The following CADM2 variants were observed in gnomAD, a reference collection of about 807,000 sequenced individuals.
CADM2 encodes the protein immunoglobulin superfamily member 4D.
Under a neutral mutation model 49.8 loss-of-function variants are expected in CADM2, and 12 were observed. The observed-to-expected ratio is 0.24, with a 90% CI of 0.15 to 0.39. CADM2 has a LOEUF of 0.39. Among genes scored for constraint, CADM2 ranks in the 10% least tolerant of loss-of-function variants. The pLI is 1.00. For missense variants in CADM2, 378 were observed against 492.3 expected (o/e 0.77, Z 2.20); for synonymous variants, 214 against 175.4 (o/e 1.22, Z -1.74).
intron 1 of CADM2, among the ~76,000 whole-genome samples, chr3:85,643,818 C>T (rs2064805072): frequency 6.6e-6 from 1 of 152,080 alleles, no homozygotes; most frequent in Non-Finnish European, 1.5e-5. Context: ...TATGTGGAGT[C>T]ATTGTTTAAT....
chr3:85,478,797 G>A (rs937171965), intron 1 of CADM2, among the ~76,000 whole-genome samples: 1 of 151,816 alleles, frequency 6.6e-6, no homozygotes, highest in African/African-American at 2.4e-5. Flanking sequence ...ATTGCTAAAG[G>A]GAAATCAGCA....
At chr3:85,285,634 C>A (rs1419033094) in intron 1 of CADM2, among the ~76,000 whole-genome samples, 1 of 151,940 alleles carries the variant, frequency 6.6e-6, no homozygotes, top group African/African-American at 2.4e-5. Flanking sequence ...TGAATAAAGT[C>A]TTTTTCTCCT....
At chr3:85,331,220 T>C (rs754286868) in intron 1 of CADM2, among the ~76,000 whole-genome samples, 5 of 152,090 alleles carry the variant, frequency 3.3e-5, no homozygotes, top group Non-Finnish European at 5.9e-5. Flanking sequence ...CACTAGATCT[T>C]ATTCTTTCTG....
intron 1 of CADM2, among the ~76,000 whole-genome samples, chr3:85,588,025 C>T (rs2062992377): frequency 6.6e-6 from 1 of 152,000 alleles, no homozygotes; most frequent in Non-Finnish European, 1.5e-5. Flanking sequence ...TTCAAGCTTT[C>T]CAAAATGCTG....
chr3:85,632,619 AG>A, intron 1 of CADM2, among the ~76,000 whole-genome samples: 1 of 152,086 alleles, frequency 6.6e-6, no homozygotes, highest in Non-Finnish European at 1.5e-5. Flanking sequence ...AGCTAAATTT[AG>A]AGGATGCTCA....
At chr3:85,777,461 G>T (rs550366535) in intron 2 of CADM2, among the ~76,000 whole-genome samples, 10 of 151,980 alleles carry the variant, frequency 6.6e-5, no homozygotes, top group Non-Finnish European at 1.0e-4. Context: ...CTACTCATTT[G>T]CCAGGCTGGT....
At chr3:85,284,871 T>A (rs544410398) in intron 1 of CADM2, among the ~76,000 whole-genome samples, 1 of 151,906 alleles carries the variant, frequency 6.6e-6, no homozygotes, top group Non-Finnish European at 1.5e-5. Context: ...GTAAAAAAGA[T>A]CTGGCAAGTT....
intron 6 of CADM2, among the ~76,000 whole-genome samples, chr3:85,924,503 G>T (rs1719566263): frequency 6.6e-6 from 1 of 151,932 alleles, no homozygotes. Context: ...AAAGTGGAAG[G>T]ATCCCTTAAG....
At chr3:85,625,858 T>A (rs771847574) in intron 1 of CADM2, among the ~76,000 whole-genome samples, 213 of 152,186 alleles carry the variant, frequency 1.4e-3, no homozygotes, top group Non-Finnish European at 1.9e-3. Context: ...TTGTATGTAT[T>A]GCTGTCAATA....
At chr3:85,589,633 A>G (rs748770620) in intron 1 of CADM2, among the ~76,000 whole-genome samples, 10 of 152,042 alleles carry the variant, frequency 6.6e-5, no homozygotes, top group Non-Finnish European at 1.5e-4. Context: ...GAACAAATAA[A>G]TATTTTTAGT....
chr3:85,041,842 A>T (rs2035456135), intron 1 of CADM2, among the ~76,000 whole-genome samples: 1 of 152,192 alleles, frequency 6.6e-6, no homozygotes, highest in African/African-American at 2.4e-5. Flanking sequence ...CAGGTCCATA[A>T]GCTAATTGTA....
At chr3:85,766,330 C>CTAT (rs2069655705) in intron 2 of CADM2, among the ~76,000 whole-genome samples, 1 of 152,066 alleles carries the variant, frequency 6.6e-6, no homozygotes, top group Admixed American at 6.6e-5. Context: ...AAAGAGCTCT[C>CTAT]TATTAATAGT....
At chr3:85,583,238 G>T (rs771576554) in intron 1 of CADM2, among the ~76,000 whole-genome samples, 1 of 152,120 alleles carries the variant, frequency 6.6e-6, no homozygotes, top group South Asian at 2.1e-4. Context: ...GGTCTCTGTT[G>T]AATTGATGAT....
At chr3:85,918,683 A>G (rs898953194) in intron 6 of CADM2, among the ~76,000 whole-genome samples, 2 of 152,156 alleles carry the variant, frequency 1.3e-5, no homozygotes, top group Non-Finnish European at 2.9e-5. Context: ...GAAAATCAAA[A>G]GCAGAACTTT....
At chr3:85,921,219 C>T (rs187557805) in intron 6 of CADM2, among the ~76,000 whole-genome samples, 2 of 151,956 alleles carry the variant, frequency 1.3e-5, no homozygotes, top group Admixed American at 6.6e-5. Context: ...TAAAAGATAG[C>T]TACAGGTATT....
At chr3:85,108,509 G>A (rs116469157) in intron 1 of CADM2, among the ~76,000 whole-genome samples, 16 of 152,218 alleles carry the variant, frequency 1.1e-4, no homozygotes, top group African/African-American at 3.9e-4. Flanking sequence ...AAGACAGAAT[G>A]TTGAATAGTA....
At chr3:85,382,929 C>G (rs1477946204) in intron 1 of CADM2, among the ~76,000 whole-genome samples, 1 of 152,102 alleles carries the variant, frequency 6.6e-6, no homozygotes, top group Non-Finnish European at 1.5e-5. Context: ...CCTGAGAAAG[C>G]CTCTGTACTT....
At chr3:85,635,547 T>C (rs541547784) in intron 1 of CADM2, among the ~76,000 whole-genome samples, 61 of 152,266 alleles carry the variant, frequency 4.0e-4, no homozygotes, top group African/African-American at 1.5e-3. Flanking sequence ...CATGTTCAAA[T>C]ATTACAACTA....
chr3:86,047,876 G>A (rs1181881331), intron 8 of CADM2, among the ~76,000 whole-genome samples: 3 of 152,128 alleles, frequency 2.0e-5, no homozygotes, highest in Non-Finnish European at 4.4e-5. Flanking sequence ...TATACATGGA[G>A]TTTTCTTTGG....
Sources: gnomAD v4.1 joint callset for allele counts (sites outside exome capture counted in the v4.1 genomes callset) on GRCh38, gnomAD v4.1.1 for gene constraint, MANE v1.5 for transcripts, NCBI Gene and HGNC (gene_info 2026-07-23, HGNC 2026-07-21) for gene names.